SLC16A3: variants seen among roughly 807,000 people sequenced by gnomAD.
SLC16A3 encodes monocarboxylate transporter 4.
A neutral mutation model predicts 25.0 loss-of-function variants in SLC16A3; 22 were observed. The ratio of observed to expected loss-of-function variants is 0.88; its 90% CI spans 0.63 to 1.26. The LOEUF is 1.26. Among genes scored for constraint, SLC16A3 ranks in the 50% most tolerant of loss-of-function variants. The pLI, the probability that SLC16A3 is intolerant of heterozygous loss-of-function variation, is 0.00. For missense variants in SLC16A3, 731 were observed against 666.6 expected, an observed-to-expected ratio of 1.10 and a Z score of -1.06; for synonymous variants, 390 against 309.2, an observed-to-expected ratio of 1.26 and a Z score of -2.74.
Position 82,237,199 on chromosome 17 carries a change from G to A in SLC16A3, c.429G>A (p.Lys143=). ...TCATGCTGAACCGCTACTTCAGCAA[G>A]CGGCGCCCCATGGCCAACGGGCTGG... ...SLIMLNRYFS[K]RRPMANGLAA... The change falls in exon 4 of 5, where the codon AAG becomes AAA. Residue 143 remains lysine (K), a synonymous_variant. Coordinates refer to ENST00000582743, the MANE Select transcript of SLC16A3 (RefSeq NM_004207.4). The A allele has an allele frequency of 3.9e-6, 6 of 1,534,274 alleles. No individual in the cohort carries two copies. Among genetic ancestry groups the A allele is most frequent in the Non-Finnish European group, 4.4e-6 (5 of 1,140,786 alleles).
upstream of SLC16A3, among the ~76,000 whole-genome samples, chr17:82,228,082 C>T (rs114201274): frequency 9.8e-5 from 15 of 152,310 alleles, no homozygotes; most frequent in African/African-American, 3.6e-4. Context: ...CCCCCGGGTC[C>T]GGGAGGGGCC....
upstream of SLC16A3, among the ~76,000 whole-genome samples, chr17:82,225,013 T>A (rs2050413383): frequency 6.6e-6 from 1 of 152,194 alleles, no homozygotes; most frequent in Non-Finnish European, 1.5e-5. Context: ...TATGTATTTT[T>A]CTGACTTTGG....
chr17:82,234,084 CCCG>C (rs2050553104), intron 1 of SLC16A3: 1 of 152,228 alleles, frequency 6.6e-6, no homozygotes, highest in South Asian at 2.1e-4. Flanking sequence ...TCGTGATCCG[CCCG>C]CCTTGGCCCC....
At chr17:82,223,597 TG>T (rs1447850769), upstream of SLC16A3, among the ~76,000 whole-genome samples, 3 of 152,116 alleles carry the variant, frequency 2.0e-5, no homozygotes, top group Admixed American at 2.0e-4. Flanking sequence ...CTCCACCTCC[TG>T]GGTTCAAGTG....
intron 1 of SLC16A3, among the ~76,000 whole-genome samples, chr17:82,218,189 GT>G (rs1193282118): frequency 6.6e-6 from 1 of 152,160 alleles, no homozygotes; most frequent in African/African-American, 2.4e-5. Context: ...ACCCTGGTGA[GT>G]GGACGGCCAA....
rs1362301387 is a variant in SLC16A3, at chr17:82,238,835, T to G, written c.1257T>G (p.Pro419=). The stretch of plus-strand genomic sequence containing the variant: ...GGAAGAAGCCCAAAGAGCCACAGCC[T>G]GAGGTGGCGGCCGCGGAGGAGGAGA... ...CIRKKPKEPQ[P]EVAAAEEEKL... is the part of the protein sequence containing the mutation. The change falls in exon 5 of 5, where the codon CCT becomes CCG. Residue 419 remains proline (P), a synonymous_variant. Transcript: ENST00000582743. 1 of 1,612,602 alleles carries G rather than the reference T, an allele frequency of 6.2e-7. No individual in the cohort carries two copies. The highest frequency in any genetic ancestry group is 2.2e-5 in the East Asian group (1 of 44,870).
At position 82,230,766 on chromosome 17, in the gene SLC16A3, A is replaced by AGGGGC. The variant is rs1275914095; in HGVS notation, c.-27+1669_-27+1673dup. 5.3e-5 allele frequency: 8 copies of AGGGGC among 152,340 alleles called. No homozygotes were observed. The East Asian group carries it at 1.4e-3, about 26-fold the overall frequency. The allele number at this position is 152,340 out of a possible 1,614,324, so 9.4% of individuals were successfully genotyped here. A position where few individuals can be genotyped will look rare whatever the true frequency, so the allele number is the denominator to read the frequency against. ...ATTGGAGGTGCCCGGGCCCTGGGGCAGGGGCGGGGCGGGAGCAGACAGAGC... is the reference window on the plus strand; with the variant it reads ...ATTGGAGGTGCCCGGGCCCTGGGGCAGGGGCGGGGCGGGGCGGGAGCAGACAGAGC... On this transcript the variant is annotated intron_variant, in intron 1 of 4. Transcript: ENST00000582743.
Position 82,237,698 on chromosome 17 carries a change from C to T in SLC16A3, c.928C>T (p.Leu310=), listed in dbSNP as rs146291321. 5 of 1,612,822 alleles carry T rather than the reference C, an allele frequency of 3.1e-6. No homozygotes were observed. Among genetic ancestry groups the T allele is most frequent in the South Asian group, 1.1e-5 (1 of 91,074 alleles). ...FSMFFNGLAD[L]AGSTAGDYGG... is the part of the protein sequence containing the mutation. ...CATGTTCTTCAACGGCCTCGCGGAC[C>T]TGGCGGGTTCTACGGCGGGCGACTA... is the stretch of plus-strand genomic sequence containing the variant. Residue 310 remains leucine (L), a synonymous_variant, in exon 4 of 5, where the codon CTG becomes TTG. Transcript: ENST00000582743.
chr17:82,226,389 G>A (rs936104195), upstream of SLC16A3, among the ~76,000 whole-genome samples: 9 of 152,068 alleles, frequency 5.9e-5, no homozygotes, highest in African/African-American at 2.2e-4. Context: ...CAGGTGTGGG[G>A]TGGGTGCTCC....
At chr17:82,222,118 G>A (rs550440350) in intron 1 of SLC16A3, among the ~76,000 whole-genome samples, 2 of 147,416 alleles carry the variant, frequency 1.4e-5, no homozygotes, top group East Asian at 2.0e-4. Flanking sequence ...GAGGAGCGTC[G>A]CCCTGGGACC....
chr17:82,225,319 T>G (rs1457061624), upstream of SLC16A3, among the ~76,000 whole-genome samples: 1 of 151,438 alleles, frequency 6.6e-6, no homozygotes, highest in African/African-American at 2.4e-5. Context: ...CTGGGGCGAG[T>G]GAAGGGAGGG....
chr17:82,220,016 C>T (rs1044871838), intron 1 of SLC16A3, among the ~76,000 whole-genome samples: 2 of 152,128 alleles, frequency 1.3e-5, no homozygotes, highest in Non-Finnish European at 2.9e-5. Flanking sequence ...CGGGGGGGCC[C>T]TTTCACAGCA....
Position 82,237,615 on chromosome 17 carries a change from G to A in SLC16A3, c.845G>A (p.Gly282Asp). ...FIDIFARPAA[G>D]FVAGLGKVRP... Reference sequence around the variant, plus strand: ...GACATCTTCGCGCGGCCGGCCGCGGGCTTCGTGGCGGGGCTTGGGAAGGTG... The same window carrying A: ...GACATCTTCGCGCGGCCGGCCGCGGACTTCGTGGCGGGGCTTGGGAAGGTG... The change falls in exon 4 of 5, where the codon GGC becomes GAC. Residue 282 changes from glycine to aspartate, a missense_variant. Transcript: ENST00000582743. The A allele has an allele frequency of 1.2e-6, 2 of 1,612,804 alleles. No homozygotes were observed. The highest frequency in any genetic ancestry group is 1.7e-6 in the Non-Finnish European group (2 of 1,179,838).
chr17:82,238,874 T>G lies in SLC16A3; in HGVS notation c.1296T>G (p.Pro432=), dbSNP rs370839171. Reference sequence around the variant, plus strand: ...CGGAGGAGGAGAAGCTCCACAAGCCTCCTGCAGACTCGGGGGTGGACTTGC... The same window carrying G: ...CGGAGGAGGAGAAGCTCCACAAGCCGCCTGCAGACTCGGGGGTGGACTTGC... ...AAAEEEKLHK[P]PADSGVDLRE... Residue 432 remains proline, a synonymous_variant, in exon 5 of 5, where the codon CCT becomes CCG. Transcript: ENST00000582743. 3.7e-6 allele frequency: 6 copies of G among 1,609,702 alleles called. No individual in the cohort carries two copies. The highest frequency in any genetic ancestry group is 1.3e-5 in the African/African-American group (1 of 74,892).
chr17:82,226,794 G>T (rs977314492), upstream of SLC16A3, among the ~76,000 whole-genome samples: 4 of 152,278 alleles, frequency 2.6e-5, no homozygotes, highest in Admixed American at 1.3e-4. Flanking sequence ...GGGTCTCGGA[G>T]GCTCTGGCCC....
upstream of SLC16A3, among the ~76,000 whole-genome samples, chr17:82,225,413 G>A (rs2050415782): frequency 6.6e-6 from 1 of 152,202 alleles, no homozygotes; most frequent in African/African-American, 2.4e-5. Context: ...CGTCCTGGCT[G>A]CATCCCCCAT....
chr17:82,233,509 G>A (rs2050534216), intron 1 of SLC16A3, among the ~76,000 whole-genome samples: 2 of 152,210 alleles, frequency 1.3e-5, no homozygotes, highest in African/African-American at 2.4e-5. Flanking sequence ...CTCCCCACAC[G>A]CCCTCGTCTG....
chr17:82,223,136 T>C (rs2050399537), intron 1 of SLC16A3, among the ~76,000 whole-genome samples: 1 of 152,228 alleles, frequency 6.6e-6, no homozygotes, highest in African/African-American at 2.4e-5. Context: ...AGCTGCCCTC[T>C]ACCGTAACCG....
At chr17:82,231,172 TCCCTCC>T (rs2050488751) in intron 1 of SLC16A3, 1 of 151,882 alleles carries the variant, frequency 6.6e-6, no homozygotes, top group South Asian at 2.1e-4. Context: ...GGAGCATCCT[TCCCTCC>T]CCCTCCCCCG....
Sources: allele counts gnomAD v4.1 joint callset (sites outside exome capture counted in the v4.1 genomes callset), GRCh38; gene constraint gnomAD v4.1.1; transcripts MANE v1.5; gene names NCBI Gene and HGNC (gene_info 2026-07-23, HGNC 2026-07-21).